DCUN1D3: variants seen among roughly 807,000 people sequenced by gnomAD.
The protein encoded by DCUN1D3 is defective in cullin neddylation 1 domain containing 3, also known as DCN1-like protein 3.
Under a neutral mutation model 24.8 loss-of-function variants are expected in DCUN1D3, and 6 were observed. That is an observed-to-expected ratio of 0.24 (90% CI 0.13 to 0.48). DCUN1D3 has a LOEUF of 0.48. Among genes scored for constraint, DCUN1D3 ranks in the 20% least tolerant of loss-of-function variants. The pLI is 0.99. For synonymous variants in DCUN1D3, 120 were observed against 144.9 expected (o/e 0.83, Z 1.24); for missense variants, 258 against 379.4 (o/e 0.68, Z 2.66).
chr16:20,872,795 C>A (rs531987628), intron 1 of DCUN1D3, among the ~76,000 whole-genome samples: 1 of 152,340 alleles, frequency 6.6e-6, no homozygotes, highest in African/African-American at 2.4e-5. Context: ...TATATCCTTT[C>A]AGTCTTGCTT....
intron 1 of DCUN1D3, among the ~76,000 whole-genome samples, chr16:20,863,784 A>G (rs2081745657): frequency 6.6e-6 from 1 of 152,158 alleles, no homozygotes; most frequent in African/African-American, 2.4e-5. Flanking sequence ...ACACAGACCA[A>G]TGGAACAGAA....
At chr16:20,872,621 A>C (rs1010734094) in intron 1 of DCUN1D3, among the ~76,000 whole-genome samples, 2 of 152,218 alleles carry the variant, frequency 1.3e-5, no homozygotes, top group Non-Finnish European at 2.9e-5. Flanking sequence ...GCTTTCAACC[A>C]CATCAGTAAC....
chr16:20,861,285 G>T (rs1296854791), intron 2 of DCUN1D3, among the ~76,000 whole-genome samples: 1 of 151,504 alleles, frequency 6.6e-6, no homozygotes, highest in Non-Finnish European at 1.5e-5. Context: ...TACTATATTG[G>T]TACTCACAGT....
intron 1 of DCUN1D3, among the ~76,000 whole-genome samples, chr16:20,868,405 A>T (rs1174305524): frequency 1.3e-5 from 2 of 152,248 alleles, no homozygotes; most frequent in Non-Finnish European, 2.9e-5. Flanking sequence ...CGCAGTGATG[A>T]AGAGGATGAG....
intron 1 of DCUN1D3, among the ~76,000 whole-genome samples, chr16:20,899,403 G>GTTTTTT (rs1305116884): frequency 2.6e-5 from 4 of 152,176 alleles, no homozygotes; most frequent in African/African-American, 9.7e-5. Context: ...TAATCGGAGC[G>GTTTTTT]TAAGAGGTAC....
chr16:20,870,938 C>T (rs1027835136), intron 1 of DCUN1D3, among the ~76,000 whole-genome samples: 3 of 152,300 alleles, frequency 2.0e-5, no homozygotes, highest in East Asian at 3.9e-4. Context: ...AGCCATCCTC[C>T]GGAGAGTCTC....
At chr16:20,883,150 T>C (rs770303488) in intron 1 of DCUN1D3, among the ~76,000 whole-genome samples, 7 of 152,200 alleles carry the variant, frequency 4.6e-5, no homozygotes, top group Non-Finnish European at 7.3e-5. Flanking sequence ...GGATCAAAAG[T>C]TCTAAATTTT....
chr16:20,858,263 CCT>C lies in DCUN1D3; in HGVS notation c.*1621_*1622del. 6.5e-6 allele frequency: 1 copy of C among 152,686 alleles called. No homozygotes were observed. Among genetic ancestry groups the C allele is most frequent in the South Asian group, 2.1e-4 (1 of 4,822 alleles). 9.5% of individuals were successfully genotyped at this position (152,686 alleles called of 1,614,324 possible). On this transcript the variant is annotated 3_prime_UTR_variant, in exon 3 of 3. Transcript: ENST00000324344. ...AGGCCCAGAGTGAGCTCCTCAGGCC[CCT>C]GTGGCAGCCTGGCCAAAGCTGGCCT...
intron 1 of DCUN1D3, among the ~76,000 whole-genome samples, chr16:20,890,520 T>C (rs1012783291): frequency 2.0e-5 from 3 of 152,082 alleles, no homozygotes; most frequent in African/African-American, 7.2e-5. Flanking sequence ...TCCTAGCTAC[T>C]TGGGAGGCTG....
chr16:20,862,257 C>G lies in DCUN1D3; in HGVS notation c.282G>C (p.Leu94=), dbSNP rs769611931. The change falls in exon 2 of 3, where the codon CTG becomes CTC. Residue 94 remains leucine, a synonymous_variant. Transcript: ENST00000324344. The part of the protein sequence containing the change: ...EESSLQRLEE[L]FRRYKDERED... ...CCCGCTCATCCTTGTAGCGCCTGAA[C>G]AGTTCTTCCAATCTTTGCAAGGAAG... 13 of 1,614,260 alleles carry G rather than the reference C, an allele frequency of 8.1e-6. No homozygotes were observed. In the Admixed American group the frequency reaches 1.7e-4, roughly 21 times the overall value.
In DCUN1D3 at chr16:20,860,494, C is replaced by T; in HGVS notation, c.432-125G>A. 3.1e-6 allele frequency: 3 copies of T among 975,596 alleles called. No homozygotes were observed. Among genetic ancestry groups the T allele is most frequent in the Non-Finnish European group, 4.4e-6 (3 of 678,376 alleles). The allele number at this position is 975,596 out of a possible 1,614,324, so 60.4% of individuals were successfully genotyped here. A position where few individuals can be genotyped will look rare whatever the true frequency, so the allele number is the denominator to read the frequency against. On this transcript the variant is annotated intron_variant, in intron 2 of 2. Coordinates refer to ENST00000324344, the MANE Select transcript of DCUN1D3 (RefSeq NM_173475.4). The surrounding 1 kb of genome is among the most constrained non-coding windows in gnomAD (Gnocchi z 4.3). Reference sequence around the variant, plus strand: ...TGAATTTGAATTCTAACTCCTCCAACTAATTAGTCCTATTTCCTTACTTGT... The same window carrying T: ...TGAATTTGAATTCTAACTCCTCCAATTAATTAGTCCTATTTCCTTACTTGT...
At chr16:20,890,427 C>T (rs1156276352) in intron 1 of DCUN1D3, among the ~76,000 whole-genome samples, 2 of 151,910 alleles carry the variant, frequency 1.3e-5, no homozygotes, top group African/African-American at 2.4e-5. Context: ...AGTTTGAGAC[C>T]AGCCTGGGCA....
intron 1 of DCUN1D3, among the ~76,000 whole-genome samples, chr16:20,897,667 T>C (rs2081922197): frequency 6.6e-6 from 1 of 152,220 alleles, no homozygotes; most frequent in African/African-American, 2.4e-5. Flanking sequence ...AGGATTCGTA[T>C]ACTAGAACAC....
At chr16:20,897,233 G>T (rs1286308451) in intron 1 of DCUN1D3, among the ~76,000 whole-genome samples, 1 of 152,236 alleles carries the variant, frequency 6.6e-6, no homozygotes, top group Non-Finnish European at 1.5e-5. Flanking sequence ...AGCCCAGTGT[G>T]ACATGGCTCA....
Position 20,860,366 on chromosome 16 carries a change from CT to C in DCUN1D3, c.434del (p.Lys145ArgfsTer10). On this transcript the variant is annotated frameshift_variant and splice_region_variant, in exon 3 of 3. Transcript: ENST00000324344. LOFTEE classifies it high-confidence loss of function. The surrounding 1 kb of genome is among the most constrained non-coding windows in gnomAD (Gnocchi z 4.3). The stretch of plus-strand genomic sequence containing the variant: ...TTGCTTTGCAGCCATCAAAAAACTC[CT>C]TCCTGCAACAGAAAGGAAAAGGACA... The part of the protein sequence containing the change: ...QAATMCKFTR[K>X]EFFDGCKAIS... 1 of 1,609,046 alleles carries C rather than the reference CT, an allele frequency of 6.2e-7. No homozygotes were observed.
Position 20,882,843 on chromosome 16 carries a change from C to T in DCUN1D3, c.-106+17361G>A, listed in dbSNP as rs571803195. On this transcript the variant is annotated intron_variant, in intron 1 of 2. Transcript: ENST00000324344. The stretch of plus-strand genomic sequence containing the variant: ...TTGGAGGCCAACATTTTTTAGCTTA[C>T]AAAACTGGTTTTTAGTTTCAGAAGT... Among the ~76,000 whole-genome samples, 28 of 152,296 alleles carry T rather than the reference C, an allele frequency of 1.8e-4. No individual in the cohort carries two copies. The South Asian group carries it at 5.4e-3, about 29-fold the overall frequency.
At chr16:20,885,770 A>G (rs908154849) in intron 1 of DCUN1D3, among the ~76,000 whole-genome samples, 1 of 152,190 alleles carries the variant, frequency 6.6e-6, no homozygotes, top group African/African-American at 2.4e-5. Context: ...TGCCTGCCTC[A>G]GTGTTTAACA....
At chr16:20,877,690 C>G (rs551394785) in intron 1 of DCUN1D3, among the ~76,000 whole-genome samples, 102 of 152,304 alleles carry the variant, frequency 6.7e-4, no homozygotes, top group African/African-American at 2.4e-3. Flanking sequence ...TAAATGGTAG[C>G]TATTTATACC....
intron 1 of DCUN1D3, among the ~76,000 whole-genome samples, chr16:20,898,381 G>A (rs1248640886): frequency 6.6e-6 from 1 of 152,158 alleles, no homozygotes; most frequent in African/African-American, 2.4e-5. Context: ...CTCCCACTCC[G>A]ATGTAAGCTC....
Sources: gnomAD v4.1 joint callset for allele counts (sites outside exome capture counted in the v4.1 genomes callset) on GRCh38, gnomAD v4.1.1 for gene constraint, Gnocchi (gnomAD v3.1) non-coding constraint, MANE v1.5 for transcripts, NCBI Gene and HGNC (gene_info 2026-07-23, HGNC 2026-07-21) for gene names.